Variants in BLVRA observed in about 807,000 individuals in gnomAD.
The protein encoded by BLVRA is biliverdin reductase A, also known as BVR A.
Under a neutral mutation model 32.8 loss-of-function variants are expected in BLVRA, and 22 were observed. The observed-to-expected ratio is 0.67, with a 90% CI of 0.48 to 0.96. BLVRA has a LOEUF of 0.96. Ranked by LOEUF, BLVRA falls within the 40% of genes least tolerant of loss-of-function variation. The pLI, the probability that BLVRA is intolerant of heterozygous loss-of-function variation, is 0.00. For missense variants in BLVRA, 323 were observed against 358.1 expected, an observed-to-expected ratio of 0.90 and a Z score of 0.79; for synonymous variants, 119 against 141.3, an observed-to-expected ratio of 0.84 and a Z score of 1.12.
rs770014158 is a variant in BLVRA, at chr7:43,800,534, T to C, written c.422T>C (p.Val141Ala). Residue 141 changes from valine to alanine, a missense_variant, in exon 6 of 8, where the codon GTG becomes GCG. Transcript: ENST00000265523. ...TTCGCTTTCCTGAAAAAAGAAGTGG[T>C]GGGGAAAGACCTGCTGAAAGGGTCG... ...EEFAFLKKEV[V>A]GKDLLKGSLL... 3 of 1,613,944 alleles carry C rather than the reference T, an allele frequency of 1.9e-6. No individual in the cohort carries two copies. The South Asian group carries it at 3.3e-5, about 18-fold the overall frequency.
intron 5 of BLVRA, among the ~76,000 whole-genome samples, chr7:43,794,462 C>A (rs966453383): frequency 6.6e-6 from 1 of 152,186 alleles, no homozygotes; most frequent in Non-Finnish European, 1.5e-5. Flanking sequence ...AGGCCAGGCA[C>A]GGTGGCTCAA....
chr7:43,799,961 TC>T (rs2095796921), intron 5 of BLVRA, among the ~76,000 whole-genome samples: 1 of 152,286 alleles, frequency 6.6e-6, no homozygotes. Context: ...TCTCTTTTTT[TC>T]TTTTTCTTTT....
chr7:43,771,201 A>T (rs1270735371), intron 2 of BLVRA, 31 bp downstream of exon 2: 1 of 1,610,702 alleles, frequency 6.2e-7, no homozygotes, highest in Admixed American at 1.7e-5. Flanking sequence ...AGTTTAAGGG[A>T]TGCTTTTCTT....
At chr7:43,800,286 G>A in intron 5 of BLVRA, 179 bp from the exon 6 acceptor site, 9 of 635,168 alleles carry the variant, frequency 1.4e-5, no homozygotes, top group Non-Finnish European at 1.2e-5. Flanking sequence ...TGTAAGCTTA[G>A]AAGTAGCAGC....
intron 6 of BLVRA, 84 bp from the exon 7 acceptor site, chr7:43,803,592 C>T (rs1323321514): frequency 2.9e-6 from 4 of 1,389,878 alleles, no homozygotes; most frequent in East Asian, 2.5e-5. Flanking sequence ...TCTTTTCACA[C>T]CCCCGCCACC....
rs374476590 is a variant in BLVRA at position 43,774,063 on chromosome 7, G to C, written c.12+2893G>C. 7.9e-5 allele frequency among the ~76,000 whole-genome samples: 12 copies of C among 151,188 alleles called. No individual in the cohort carries two copies. The South Asian group carries it at 1.9e-3, about 24-fold the overall frequency. On this transcript the variant is annotated intron_variant, in intron 2 of 7. Coordinates refer to ENST00000265523, the MANE Select transcript of BLVRA (RefSeq NM_000712.4). ...AGCCCTTTGTCAGATGAGTAGGTTG[G>C]GAAAATTTTCTCCCATTTTGTAGGT...
intron 2 of BLVRA, among the ~76,000 whole-genome samples, chr7:43,772,874 C>T (rs1334572563): frequency 6.6e-6 from 1 of 152,190 alleles, no homozygotes; most frequent in African/African-American, 2.4e-5. Flanking sequence ...ATGGGGATTA[C>T]AATTCAAGAT....
chr7:43,775,025 T>G (rs978392713), intron 2 of BLVRA, among the ~76,000 whole-genome samples: 5 of 152,178 alleles, frequency 3.3e-5, no homozygotes, highest in African/African-American at 1.2e-4. Context: ...CTTATCAGCT[T>G]AAGGAGATTT....
At chr7:43,799,138 G>T (rs537394527) in intron 5 of BLVRA, among the ~76,000 whole-genome samples, 42 of 152,276 alleles carry the variant, frequency 2.8e-4, no homozygotes, top group African/African-American at 9.9e-4. Flanking sequence ...CTGAAGGAGT[G>T]GGTGGGAAGG....
chr7:43,771,992 T>A (rs1585715386), intron 2 of BLVRA, among the ~76,000 whole-genome samples: 2 of 152,186 alleles, frequency 1.3e-5, no homozygotes, highest in African/African-American at 4.8e-5. Flanking sequence ...TGACATCATC[T>A]CCCTCAATTC....
chr7:43,788,046 G>T lies in BLVRA; in HGVS notation c.134+21G>T, dbSNP rs761588401. On this transcript the variant is annotated intron_variant, in intron 3 of 7. Coordinates refer to ENST00000265523, the MANE Select transcript of BLVRA (RefSeq NM_000712.4). The stretch of plus-strand genomic sequence containing the variant: ...TCGAGGTGGCTCACAATGTCTTTGT[G>T]CTTCATAATTCATGGAAAGCCCAGT... 1.5e-5 allele frequency: 24 copies of T among 1,614,160 alleles called. 1 individual carries two copies. The East Asian group carries it at 5.3e-4, about 36-fold the overall frequency.
intron 3 of BLVRA, among the ~76,000 whole-genome samples, chr7:43,790,222 T>C (rs1416086520): frequency 6.6e-6 from 1 of 151,754 alleles, no homozygotes; most frequent in African/African-American, 2.4e-5. Context: ...CACTGGGAGG[T>C]GTACGGACTG....
In BLVRA at chr7:43,758,721, G is replaced by A. The variant is rs901309828; in HGVS notation, c.-35G>A. 6.6e-6 allele frequency: 1 copy of A among 152,208 alleles called. No homozygotes were observed. Among genetic ancestry groups the A allele is most frequent in the African/African-American group, 2.4e-5 (1 of 41,432 alleles). 9.4% of individuals were successfully genotyped at this position (152,208 alleles called of 1,614,324 possible). On this transcript the variant is annotated 5_prime_UTR_variant, in exon 1 of 8. Coordinates refer to ENST00000265523, the MANE Select transcript of BLVRA (RefSeq NM_000712.4). ...GGCGCCCGGAGGCTGCACGGAGAGC[G>A]GTGCCCGCGTCAGGTGAGGCGCGCG...
rs1027080158 is a variant in BLVRA at position 43,787,041 on chromosome 7, G to C, written c.13-863G>C. On this transcript the variant is annotated intron_variant, in intron 2 of 7. Transcript: ENST00000265523. The surrounding 1 kb of genome is among the most constrained non-coding windows in gnomAD (Gnocchi z 4.5). ...AGGTTCAAGCAATTCTCCTGCCTCG[G>C]CCTCCTAAGTAGCTGGGATTACAGG... Among the ~76,000 whole-genome samples, 9 of 152,074 alleles carry C rather than the reference G, an allele frequency of 5.9e-5. No individual in the cohort carries two copies. The highest frequency in any genetic ancestry group is 5.2e-4 in the Admixed American group (8 of 15,266).
At chr7:43,770,489 T>C (rs969848880) in intron 1 of BLVRA, among the ~76,000 whole-genome samples, 1 of 151,998 alleles carries the variant, frequency 6.6e-6, no homozygotes, top group African/African-American at 2.4e-5. Flanking sequence ...AACCCAGAAA[T>C]ATGCATTTTC....
chr7:43,782,887 G>C (rs1474176986), intron 2 of BLVRA, among the ~76,000 whole-genome samples: 2 of 152,082 alleles, frequency 1.3e-5, no homozygotes, highest in Non-Finnish European at 2.9e-5. Context: ...GAAGGTCTTG[G>C]ATGACCCACG....
At chr7:43,766,169 C>G (rs2095747596) in intron 1 of BLVRA, among the ~76,000 whole-genome samples, 1 of 151,350 alleles carries the variant, frequency 6.6e-6, no homozygotes, top group Non-Finnish European at 1.5e-5. Flanking sequence ...GCCTGTAATC[C>G]CAGCTACTCA....
At chr7:43,779,934 C>T (rs1298166069) in intron 2 of BLVRA, among the ~76,000 whole-genome samples, 2 of 151,656 alleles carry the variant, frequency 1.3e-5, no homozygotes, top group Non-Finnish European at 2.9e-5. Flanking sequence ...AGTACAGTGG[C>T]GTGATCTTGG....
intron 1 of BLVRA, among the ~76,000 whole-genome samples, chr7:43,760,770 CT>C (rs34256119): frequency 0.15 from 20,218 of 132,868 alleles, 1,670 homozygotes; most frequent in Non-Finnish European, 0.22. Flanking sequence ...CCTCTTGAGT[CT>C]TTTTTTTTTT....
Sources: gnomAD v4.1 joint callset for allele counts (sites outside exome capture counted in the v4.1 genomes callset) on GRCh38, gnomAD v4.1.1 for gene constraint, Gnocchi (gnomAD v3.1) non-coding constraint, MANE v1.5 for transcripts, NCBI Gene and HGNC (gene_info 2026-07-23, HGNC 2026-07-21) for gene names.